TLN2: variants seen among roughly 807,000 people sequenced by gnomAD.
TLN2 encodes the protein talin-2.
A neutral mutation model predicts 294.7 loss-of-function variants in TLN2; 118 were observed. The observed-to-expected ratio is 0.40, with a 90% CI of 0.34 to 0.47. The LOEUF (loss-of-function observed/expected upper bound fraction) is 0.47. TLN2 is among the 20% of genes least tolerant of loss of function. The probability of loss-of-function intolerance (pLI) is 0.84; values close to 1 mark genes in which losing one functional copy is unlikely to be tolerated. For synonymous variants in TLN2, 1,431 were observed against 1,304.5 expected (o/e 1.10, Z -2.09); for missense variants, 3,083 against 3,282.2 (o/e 0.94, Z 1.48).
At chr15:62,613,857 A>G (rs1455011940) in intron 2 of TLN2, among the ~76,000 whole-genome samples, 8 of 152,056 alleles carry the variant, frequency 5.3e-5, no homozygotes, top group Admixed American at 2.6e-4. Context: ...CAGGCCAAAA[A>G]AAAAAAAAAA....
At chr15:62,646,463 C>T (rs529116807) in intron 3 of TLN2, among the ~76,000 whole-genome samples, 2 of 152,264 alleles carry the variant, frequency 1.3e-5, no homozygotes, top group South Asian at 2.1e-4. Context: ...CACCCAGCCA[C>T]CTGTGTATTT....
At chr15:62,625,890 C>A (rs1412985386) in intron 3 of TLN2, among the ~76,000 whole-genome samples, 1 of 152,070 alleles carries the variant, frequency 6.6e-6, no homozygotes, top group Non-Finnish European at 1.5e-5. Flanking sequence ...CTGTAGGGCC[C>A]ACTCCTGTGT....
chr15:62,475,493 C>A lies in TLN2; in HGVS notation c.-238+84808C>A, dbSNP rs560664419. On this transcript the variant is annotated intron_variant, in intron 1 of 58. Coordinates refer to ENST00000636159, the MANE Select transcript of TLN2 (RefSeq NM_015059.3). ...TGGATGATTATATTTGAATTAATAACCCACCAACCTTTAAAATGCATGATT... is the reference window on the plus strand; with the variant it reads ...TGGATGATTATATTTGAATTAATAAACCACCAACCTTTAAAATGCATGATT... Among the ~76,000 whole-genome samples the A allele has an allele frequency of 2.0e-5, 3 of 152,248 alleles. No homozygotes were observed. The South Asian group carries it at 6.2e-4, about 32-fold the overall frequency.
chr15:62,763,475 G>A, intron 39 of TLN2, 88 bp from the exon 40 acceptor site: 1 of 1,494,296 alleles, frequency 6.7e-7, no homozygotes. Flanking sequence ...GGAGGAAGTG[G>A]ACAGGGATCC....
chr15:62,618,946 C>T (rs968369484), intron 3 of TLN2, among the ~76,000 whole-genome samples: 4 of 152,184 alleles, frequency 2.6e-5, no homozygotes, highest in Non-Finnish European at 4.4e-5. Context: ...AACTAGTTTA[C>T]GGGACTGAAT....
chr15:62,634,312 G>A (rs1299373052), intron 3 of TLN2, among the ~76,000 whole-genome samples: 1 of 151,964 alleles, frequency 6.6e-6, no homozygotes, highest in Non-Finnish European at 1.5e-5. Flanking sequence ...ATTTCTTTAG[G>A]GATTCTTACC....
At chr15:62,442,932 T>C (rs1329696839) in intron 1 of TLN2, among the ~76,000 whole-genome samples, 1 of 152,108 alleles carries the variant, frequency 6.6e-6, no homozygotes, top group East Asian at 1.9e-4. Context: ...AGTGGTCCTA[T>C]CTTCCGTCTT....
intron 54 of TLN2, among the ~76,000 whole-genome samples, chr15:62,823,665 G>T (rs1025114496): frequency 6.6e-6 from 1 of 152,208 alleles, no homozygotes; most frequent in Non-Finnish European, 1.5e-5. Flanking sequence ...GGTCTTTGAT[G>T]ATGATTCTGG....
Position 62,600,462 on chromosome 15 carries a change from G to A in TLN2, c.-162+10700G>A, listed in dbSNP as rs149629572. Among the ~76,000 whole-genome samples, 74 of 152,254 alleles carry A rather than the reference G, an allele frequency of 4.9e-4. No individual in the cohort carries two copies. In the East Asian group the frequency reaches 0.014, roughly 28 times the overall value. ...CAGTGTTGGAGTAGCCTGCTGCTAA[G>A]CAGTTGGCCCCTGTGTTTAAGGACC... On this transcript the variant is annotated intron_variant, in intron 2 of 58. Transcript: ENST00000636159.
intron 1 of TLN2, among the ~76,000 whole-genome samples, chr15:62,455,696 C>T (rs1039535671): frequency 3.3e-5 from 5 of 152,206 alleles, no homozygotes; most frequent in Non-Finnish European, 5.9e-5. Context: ...GGCTGCCTGT[C>T]ACGGGTCACT....
rs147015662 is a variant in TLN2, at chr15:62,713,611, A to G, written c.2634+1534A>G. ...GGAGAATTGCTTGAACCTGGGAGCC[A>G]GAGGTTGCAGTGAGCTGAGATCGTG... is the stretch of plus-strand genomic sequence containing the variant. On this transcript the variant is annotated intron_variant, in intron 22 of 58. Transcript: ENST00000636159. Among the ~76,000 whole-genome samples the G allele has an allele frequency of 2.0e-3, 309 of 152,184 alleles. 9 individuals carry two copies. In the East Asian group the frequency reaches 0.057, roughly 28 times the overall value.
intron 1 of TLN2, among the ~76,000 whole-genome samples, chr15:62,529,571 A>T (rs1240976227): frequency 6.6e-6 from 1 of 151,692 alleles, no homozygotes; most frequent in African/African-American, 2.4e-5. Flanking sequence ...TAAAAAAAAA[A>T]AAAAAAAGGA....
At chr15:62,610,516 C>T (rs140753184) in intron 2 of TLN2, among the ~76,000 whole-genome samples, 14 of 152,330 alleles carry the variant, frequency 9.2e-5, no homozygotes, top group African/African-American at 3.4e-4. Flanking sequence ...TCACAGCCTC[C>T]TTCTGCTTAG....
intron 37 of TLN2, among the ~76,000 whole-genome samples, chr15:62,761,002 C>T (rs191792820): frequency 1.9e-3 from 296 of 152,276 alleles, no homozygotes; most frequent in Non-Finnish European, 3.0e-3. Flanking sequence ...AGGAGGGTCA[C>T]CTGTGTTTGC....
At chr15:62,519,830 T>G (rs1277910284) in intron 1 of TLN2, among the ~76,000 whole-genome samples, 1 of 152,248 alleles carries the variant, frequency 6.6e-6, no homozygotes, top group African/African-American at 2.4e-5. Flanking sequence ...TCCTGAAACT[T>G]TAAAAAAGTT....
At chr15:62,698,637 A>C in intron 15 of TLN2, 117 bp from the exon 16 acceptor site, 4 of 738,798 alleles carry the variant, frequency 5.4e-6, no homozygotes, top group Non-Finnish European at 6.8e-6. Flanking sequence ...GCTTGTTGAG[A>C]TGTAGCCTGG....
At chr15:62,768,589 G>A (rs4775539) in intron 41 of TLN2, among the ~76,000 whole-genome samples, 149,642 of 152,350 alleles carry the variant, frequency 0.98, 73,540 homozygotes, top group Middle Eastern at 1. Context: ...CCACCATTCA[G>A]TCCACCGTGT....
intron 11 of TLN2, among the ~76,000 whole-genome samples, chr15:62,683,227 C>T (rs576188606): frequency 3.9e-4 from 59 of 152,348 alleles, no homozygotes; most frequent in Non-Finnish European, 2.9e-5. Context: ...TTGCATTCCT[C>T]CATCCAGTTC....
intron 1 of TLN2, among the ~76,000 whole-genome samples, chr15:62,569,133 G>A (rs1003035607): frequency 2.0e-5 from 3 of 152,128 alleles, no homozygotes; most frequent in African/African-American, 4.8e-5. Flanking sequence ...TGTTCTTTGT[G>A]TTTTTTCTCT....
Sources: gnomAD v4.1 joint callset for allele counts (sites outside exome capture counted in the v4.1 genomes callset) on GRCh38, gnomAD v4.1.1 for gene constraint, MANE v1.5 for transcripts, NCBI Gene and HGNC (gene_info 2026-07-23, HGNC 2026-07-21) for gene names.